Variants in PHF20 observed in about 807,000 individuals in gnomAD.
PHF20 encodes the protein PHD finger protein 20.
Under a neutral mutation model 113.5 loss-of-function variants are expected in PHF20, and 23 were observed. That is an observed-to-expected ratio of 0.20 (90% CI 0.15 to 0.29). The LOEUF is 0.29. Among genes scored for constraint, PHF20 ranks in the 10% least tolerant of loss-of-function variants. The pLI, the probability that PHF20 is intolerant of heterozygous loss-of-function variation, is 1.00. For synonymous variants in PHF20, 434 were observed against 457.3 expected, an observed-to-expected ratio of 0.95 and a Z score of 0.65; for missense variants, 943 against 1,219.6, an observed-to-expected ratio of 0.77 and a Z score of 3.38.
chr20:35,833,968 G>C (rs1479991184), intron 2 of PHF20, among the ~76,000 whole-genome samples: 1 of 152,000 alleles, frequency 6.6e-6, no homozygotes, highest in East Asian at 1.9e-4. Flanking sequence ...TGAGGCAGGG[G>C]AATTGCTTGA....
chr20:35,913,110 C>T, intron 10 of PHF20, 139 bp from the exon 11 acceptor site: 1 of 417,424 alleles, frequency 2.4e-6, no homozygotes, highest in South Asian at 2.0e-5. Flanking sequence ...AGGCGTGGCT[C>T]TGCCTCCAGA....
intron 17 of PHF20, among the ~76,000 whole-genome samples, chr20:35,942,172 G>A (rs938953307): frequency 2.6e-5 from 4 of 152,110 alleles, no homozygotes; most frequent in Non-Finnish European, 5.9e-5. Flanking sequence ...GGAGGCTGAG[G>A]CGGGAGGACT....
intron 2 of PHF20, among the ~76,000 whole-genome samples, chr20:35,805,678 C>T (rs1003564659): frequency 6.6e-6 from 1 of 151,864 alleles, no homozygotes; most frequent in African/African-American, 2.4e-5. Flanking sequence ...TGAGGTCTCA[C>T]TATGTTGCCA....
chr20:35,907,753 C>A (rs1023603476), intron 10 of PHF20, among the ~76,000 whole-genome samples: 5 of 152,118 alleles, frequency 3.3e-5, no homozygotes, highest in African/African-American at 7.2e-5. Context: ...TGGTTTATGG[C>A]CAAGCATGTG....
chr20:35,900,360 G>A (rs77815242), intron 10 of PHF20, among the ~76,000 whole-genome samples: 2,871 of 152,210 alleles, frequency 0.019, 95 homozygotes, highest in African/African-American at 0.066. Flanking sequence ...CTATTAAAAT[G>A]TGTAGGTCTT....
intron 5 of PHF20, among the ~76,000 whole-genome samples, chr20:35,858,719 C>A (rs1385232342): frequency 6.6e-6 from 1 of 152,144 alleles, no homozygotes; most frequent in Admixed American, 6.5e-5. Context: ...TATAGGCGCA[C>A]GCCACCATGC....
chr20:35,883,533 A>G (rs532420039), intron 9 of PHF20, among the ~76,000 whole-genome samples: 1 of 151,720 alleles, frequency 6.6e-6, no homozygotes, highest in Admixed American at 6.6e-5. Context: ...TGACTTCCAG[A>G]GCTTCAGTGA....
At chr20:35,884,889 G>A (rs1425232330) in intron 9 of PHF20, among the ~76,000 whole-genome samples, 1 of 152,116 alleles carries the variant, frequency 6.6e-6, no homozygotes, top group Non-Finnish European at 1.5e-5. Flanking sequence ...GGAGTGCAGT[G>A]ATGAGATCTT....
intron 9 of PHF20, among the ~76,000 whole-genome samples, chr20:35,895,031 C>CT (rs796808393): frequency 6.1e-4 from 90 of 148,714 alleles, no homozygotes; most frequent in African/African-American, 1.9e-3. Flanking sequence ...TTTTCTTCTT[C>CT]TTTTTTTTTT....
chr20:35,874,759 G>GTT (rs955874458), intron 9 of PHF20, among the ~76,000 whole-genome samples: 1 of 147,278 alleles, frequency 6.8e-6, no homozygotes. Flanking sequence ...TTTTTGAATA[G>GTT]TTTTTTTTTT....
chr20:35,853,554 G>A (rs1205875139), intron 4 of PHF20, among the ~76,000 whole-genome samples: 1 of 151,650 alleles, frequency 6.6e-6, no homozygotes, highest in Non-Finnish European at 1.5e-5. Context: ...GACCAGCCTG[G>A]GTAACATAGA....
chr20:35,933,969 G>A (rs999223932), intron 15 of PHF20, among the ~76,000 whole-genome samples: 3 of 152,188 alleles, frequency 2.0e-5, no homozygotes, highest in African/African-American at 4.8e-5. Context: ...GGTACTTTTC[G>A]AACTGTCTCT....
chr20:35,892,052 T>G (rs935218065), intron 9 of PHF20, among the ~76,000 whole-genome samples: 1 of 147,940 alleles, frequency 6.8e-6, no homozygotes, highest in Non-Finnish European at 1.5e-5. Flanking sequence ...TTTGTTTTTT[T>G]TTGTTTTTTT....
intron 9 of PHF20, among the ~76,000 whole-genome samples, chr20:35,897,862 C>T (rs1352000973): frequency 2.0e-5 from 3 of 150,712 alleles, no homozygotes; most frequent in South Asian, 2.1e-4. Flanking sequence ...CCACCACGCC[C>T]GGTGTTTTTT....
chr20:35,828,067 A>T (rs2042295212), intron 2 of PHF20, among the ~76,000 whole-genome samples: 1 of 152,032 alleles, frequency 6.6e-6, no homozygotes, highest in African/African-American at 2.4e-5. Flanking sequence ...CTTGTTGCCC[A>T]GGCTGGAGTG....
intron 9 of PHF20, among the ~76,000 whole-genome samples, chr20:35,888,754 C>CTT (rs770994067): frequency 8.6e-5 from 12 of 139,232 alleles, no homozygotes; most frequent in Admixed American, 1.5e-4. Context: ...ACCCTCATCT[C>CTT]TTTTTTTTTT....
intron 9 of PHF20, chr20:35,878,705 G>A (rs181497107): frequency 6.9e-5 from 53 of 769,992 alleles, no homozygotes; most frequent in Admixed American, 4.1e-4. Context: ...ATCATGTATC[G>A]AGAATTCTGG....
intron 9 of PHF20, among the ~76,000 whole-genome samples, chr20:35,894,467 G>A (rs1453403908): frequency 6.6e-6 from 1 of 152,206 alleles, no homozygotes; most frequent in Non-Finnish European, 1.5e-5. Flanking sequence ...GTAGACCTGG[G>A]ATTAAATGTT....
intron 12 of PHF20, chr20:35,917,035 A>C: frequency 3.6e-6 from 1 of 277,542 alleles, no homozygotes; most frequent in South Asian, 3.9e-5. Flanking sequence ...AAATGCTGGT[A>C]TTAGAGGCAT....
Sources: allele counts gnomAD v4.1 joint callset (sites outside exome capture counted in the v4.1 genomes callset), GRCh38; gene constraint gnomAD v4.1.1; transcripts MANE v1.5; gene names NCBI Gene and HGNC (gene_info 2026-07-23, HGNC 2026-07-21).